The following ASTE1 variants were observed in gnomAD, a reference collection of about 807,000 sequenced individuals.
ASTE1 encodes the protein single-strand DNA endonuclease ASTE1.
Under a neutral mutation model 45.8 loss-of-function variants are expected in ASTE1, and 49 were observed. The ratio of observed to expected loss-of-function variants is 1.07; its 90% CI spans 0.85 to 1.36. ASTE1 has a LOEUF of 1.36. Among genes scored for constraint, ASTE1 ranks in the 40% most tolerant of loss-of-function variants. The probability of loss-of-function intolerance (pLI) is 0.00; values close to 1 mark genes in which losing one functional copy is unlikely to be tolerated. For synonymous variants in ASTE1, 296 were observed against 303.9 expected (o/e 0.97, Z 0.27); for missense variants, 709 against 804.0 (o/e 0.88, Z 1.43).
chr3:131,023,241 G>C (rs903883516), intron 3 of ASTE1, among the ~76,000 whole-genome samples: 3 of 151,990 alleles, frequency 2.0e-5, no homozygotes, highest in Non-Finnish European at 4.4e-5. Flanking sequence ...TATTTCATTG[G>C]ATCTAAGAAG....
At chr3:131,018,854 A>AG (rs1357564836) in intron 3 of ASTE1, 138 bp from the exon 4 acceptor site, 4 of 814,988 alleles carry the variant, frequency 4.9e-6, no homozygotes, top group African/African-American at 1.7e-5. Flanking sequence ...GGGAAAAAAA[A>AG]TCAGCCACAC....
At chr3:131,015,378 A>G in intron 5 of ASTE1, 1 of 593,794 alleles carries the variant, frequency 1.7e-6, no homozygotes, top group Non-Finnish European at 3.0e-6. Context: ...TACCTCCTGG[A>G]TGGTCAATTA....
chr3:131,024,546 T>C lies in ASTE1; in HGVS notation c.761A>G (p.His254Arg). 1.2e-6 allele frequency: 2 copies of C among 1,614,100 alleles called. No individual in the cohort carries two copies. Among genetic ancestry groups the C allele is most frequent in the Non-Finnish European group, 1.7e-6 (2 of 1,180,020 alleles). The part of the protein sequence containing the change: ...GATSSKGRRH[H>R]RILGLLNWLS... ...CCAATTCAGAAGTCCCAGGATTCGG[T>C]GGTGTCTCCTCCCTTTAGAACTGGT... The change falls in exon 3 of 6, where the codon CAC becomes CGC. Residue 254 changes from histidine (H) to arginine (R), a missense_variant. His to Arg is a conservative substitution (Grantham distance 29, BLOSUM62 0). Coordinates refer to ENST00000264992, the MANE Select transcript of ASTE1 (RefSeq NM_014065.4).
In ASTE1 at chr3:131,024,183, A is replaced by G. The variant is rs1007690520; in HGVS notation, c.1124T>C (p.Ile375Thr). 6.2e-7 allele frequency: 1 copy of G among 1,614,168 alleles called. No homozygotes were observed. The highest frequency in any genetic ancestry group is 1.7e-5 in the Admixed American group (1 of 60,030). The change falls in exon 3 of 6, where the codon ATC (isoleucine) becomes ACC (threonine). Residue 375 changes from isoleucine to threonine, a missense_variant. Coordinates refer to ENST00000264992, the MANE Select transcript of ASTE1 (RefSeq NM_014065.4). ...GGCATTTAAAAGAAGCCCATAGATGATTTGCCTGATGGGCTGAGATATTCT... is the reference window on the plus strand; with the variant it reads ...GGCATTTAAAAGAAGCCCATAGATGGTTTGCCTGATGGGCTGAGATATTCT... ...AHRISQPIRQIIYGLLLNASP... is the reference protein window; with the variant it reads ...AHRISQPIRQTIYGLLLNASP...
At chr3:131,022,314 G>A (rs1473043671) in intron 3 of ASTE1, among the ~76,000 whole-genome samples, 1 of 151,988 alleles carries the variant, frequency 6.6e-6, no homozygotes, top group African/African-American at 2.4e-5. Context: ...TGTCATAAAA[G>A]TCATCCTTTT....
chr3:131,024,242 T>G lies in ASTE1; in HGVS notation c.1065A>C (p.Thr355=). The G allele has an allele frequency of 1.2e-6, 2 of 1,614,208 alleles. No homozygotes were observed. The highest frequency in any genetic ancestry group is 2.2e-5 in the South Asian group (2 of 91,088). The change falls in exon 3 of 6, where the codon ACA becomes ACC. Residue 355 remains threonine (T), a synonymous_variant. Coordinates refer to ENST00000264992, the MANE Select transcript of ASTE1 (RefSeq NM_014065.4). ...TTGGTTGCTGCATGTTTTCCACCTG[T>G]GTGGGAAGAATGGTCCGTCTTAGGA... ...ALVLRRTILP[T]QVENMQQPNA... is the part of the protein sequence containing the mutation.
In ASTE1 at chr3:131,025,495, G is replaced by A. The variant is rs2063828834; in HGVS notation, c.-47C>T. 2.1e-6 allele frequency: 2 copies of A among 973,348 alleles called. No individual in the cohort carries two copies. Among genetic ancestry groups the A allele is most frequent in the African/African-American group, 1.7e-5 (1 of 60,442 alleles). The allele number at this position is 973,348 out of a possible 1,614,324, so 60.3% of individuals were successfully genotyped here. A position where few individuals can be genotyped will look rare whatever the true frequency, so the allele number is the denominator to read the frequency against. On this transcript the variant is annotated 5_prime_UTR_variant, in exon 2 of 6. Coordinates refer to ENST00000264992, the MANE Select transcript of ASTE1 (RefSeq NM_014065.4). Reference sequence around the variant, plus strand: ...TTACCTAGATCCTCAAGCAATGTTAGCTGTGCTTTTTCATTCTCCTTTGCT... The same window carrying A: ...TTACCTAGATCCTCAAGCAATGTTAACTGTGCTTTTTCATTCTCCTTTGCT...
At chr3:131,020,700 G>A (rs2063731529) in intron 3 of ASTE1, among the ~76,000 whole-genome samples, 1 of 152,206 alleles carries the variant, frequency 6.6e-6, no homozygotes, top group Non-Finnish European at 1.5e-5. Context: ...GGAATCACAT[G>A]AGCACCTGGT....
Position 131,024,486 on chromosome 3 carries a change from T to C in ASTE1, c.821A>G (p.Asp274Gly). The C allele has an allele frequency of 1.2e-6, 2 of 1,614,160 alleles. No homozygotes were observed. The highest frequency in any genetic ancestry group is 8.5e-7 in the Non-Finnish European group (1 of 1,180,022). Residue 274 changes from aspartate to glycine, a missense_variant, in exon 3 of 6, where the codon GAT becomes GGT. Transcript: ENST00000264992. ...TTTTGGGAGGTATTTCAGAACATTA[T>C]CTAGTGCTTCGGTAGGGTTGGCAAA... ...SHFANPTEAL[D>G]NVLKYLPKKD...
Position 131,018,628 on chromosome 3 carries a change from A to C in ASTE1, c.1391T>G (p.Leu464Trp). 1 of 1,614,124 alleles carries C rather than the reference A, an allele frequency of 6.2e-7. No homozygotes were observed. Among genetic ancestry groups the C allele is most frequent in the South Asian group, 1.1e-5 (1 of 91,078 alleles). ...ILEPIPTSLK[L>W]PIAVSCYWLQ... ...CCAGTAGCAACTGACAGCAATGGGC[A>C]ACTTCAGTGAAGTAGGGATTGGCTC... Residue 464 changes from leucine to tryptophan, a missense_variant, in exon 4 of 6, where the codon TTG becomes TGG. By Grantham distance (61) the Leu-to-Trp change is moderately conservative (BLOSUM62 -2). Coordinates refer to ENST00000264992, the MANE Select transcript of ASTE1 (RefSeq NM_014065.4).
intron 3 of ASTE1, among the ~76,000 whole-genome samples, chr3:131,020,983 C>CA (rs2063734434): frequency 6.6e-6 from 1 of 152,036 alleles, no homozygotes; most frequent in Admixed American, 6.5e-5. Context: ...TACGCACCCA[C>CA]AAAAAACCAA....
chr3:131,024,146 C>T lies in ASTE1; in HGVS notation c.1161G>A (p.Leu387=). 9 of 1,614,142 alleles carry T rather than the reference C, an allele frequency of 5.6e-6. No individual in the cohort carries two copies. Among genetic ancestry groups the T allele is most frequent in the Non-Finnish European group, 5.9e-6 (7 of 1,180,020 alleles). Residue 387 remains leucine (L), a synonymous_variant, in exon 3 of 6, where the codon CTG becomes CTA. Coordinates refer to ENST00000264992, the MANE Select transcript of ASTE1 (RefSeq NM_014065.4). ...YGLLLNASPH[L]DKTSWNALPP... ...GCAATGCATTCCAGGATGTCTTGTC[C>T]AGATGTGGTGAGGCATTTAAAAGAA...
At position 131,018,728 on chromosome 3, in the gene ASTE1, C is replaced by A; in HGVS notation, c.1303-12G>T. ...CTCCTCAAGGAGAGCTGAAAATACA[C>A]ACCAAGTATCCTGCAAGTTACTTTG... On this transcript the variant is annotated splice_polypyrimidine_tract_variant and intron_variant, in intron 3 of 5. Coordinates refer to ENST00000264992, the MANE Select transcript of ASTE1 (RefSeq NM_014065.4). The A allele has an allele frequency of 6.2e-7, 1 of 1,612,194 alleles. No individual in the cohort carries two copies. The highest frequency in any genetic ancestry group is 2.2e-5 in the East Asian group (1 of 44,856).
At chr3:131,016,694 C>G in intron 4 of ASTE1, 2 of 328,234 alleles carry the variant, frequency 6.1e-6, no homozygotes, top group South Asian at 5.4e-5. Context: ...ATTCTCTTTA[C>G]TGTTCTCTTT....
In ASTE1 at chr3:131,026,544, C is replaced by T. The variant is rs1012150906; in HGVS notation, c.-184G>A. ...GAGGAGTAGCTCCTCCATCAGAAGC[C>T]CGCTAGAGCCCAGCGAGGACTGGCT... is the stretch of plus-strand genomic sequence containing the variant. On this transcript the variant is annotated 5_prime_UTR_variant, in exon 1 of 6. Coordinates refer to ENST00000264992, the MANE Select transcript of ASTE1 (RefSeq NM_014065.4). The T allele has an allele frequency of 6.6e-6, 1 of 152,334 alleles. No individual in the cohort carries two copies. Among genetic ancestry groups the T allele is most frequent in the African/African-American group, 2.4e-5 (1 of 41,450 alleles). 9.4% of individuals were successfully genotyped at this position (152,334 alleles called of 1,614,324 possible).
chr3:131,024,131 C>T lies in ASTE1; in HGVS notation c.1176G>A (p.Trp392Ter). Residue 392 changes from tryptophan (W) to a stop codon, truncating the protein, a stop_gained, in exon 3 of 6, where the codon TGG (tryptophan) becomes TGA (stop). Coordinates refer to ENST00000264992, the MANE Select transcript of ASTE1 (RefSeq NM_014065.4). LOFTEE classifies it high-confidence loss of function. The stretch of plus-strand genomic sequence containing the variant: ...CTAGAGGCTGAGGAGGCAATGCATT[C>T]CAGGATGTCTTGTCCAGATGTGGTG... ...NASPHLDKTS[W>*]NALPPQPLAF... 6.2e-7 allele frequency: 1 copy of T among 1,614,172 alleles called. No individual in the cohort carries two copies. Among genetic ancestry groups the T allele is most frequent in the South Asian group, 1.1e-5 (1 of 91,090 alleles).
chr3:131,014,506 A>G (rs2109059046), intron 5 of ASTE1, 119 bp from the exon 6 acceptor site: 1 of 937,022 alleles, frequency 1.1e-6, no homozygotes, highest in East Asian at 2.7e-5. Flanking sequence ...TTGCTCTATA[A>G]TATTATCGAA....
At chr3:131,023,122 T>C (rs980041172) in intron 3 of ASTE1, among the ~76,000 whole-genome samples, 9 of 152,274 alleles carry the variant, frequency 5.9e-5, no homozygotes, top group African/African-American at 1.7e-4. Context: ...GGGAGAACTC[T>C]GACAGAAAAG....
Position 131,025,468 on chromosome 3 carries a change from TC to T in ASTE1, c.-26+5del, listed in dbSNP as rs2063826951. 8.5e-7 allele frequency: 1 copy of T among 1,175,892 alleles called. No homozygotes were observed. Among genetic ancestry groups the T allele is most frequent in the Non-Finnish European group, 1.1e-6 (1 of 881,012 alleles). The allele number at this position is 1,175,892 out of a possible 1,614,324, so 72.8% of individuals were successfully genotyped here. A position where few individuals can be genotyped will look rare whatever the true frequency, so the allele number is the denominator to read the frequency against. ...GAACATAGATATCAACATCATAAAT[TC>T]TTACCTAGATCCTCAAGCAATGTTA... On this transcript the variant is annotated splice_donor_5th_base_variant and intron_variant, in intron 2 of 5. Transcript: ENST00000264992.
Sources: gnomAD v4.1 joint callset for allele counts (sites outside exome capture counted in the v4.1 genomes callset) on GRCh38, gnomAD v4.1.1 for gene constraint, MANE v1.5 for transcripts, NCBI Gene and HGNC (gene_info 2026-07-23, HGNC 2026-07-21) for gene names.